Variants in COX16 observed in about 807,000 individuals in gnomAD.
The protein encoded by COX16 is cytochrome c oxidase assembly factor COX16.
In COX16, 12 loss-of-function variants were observed where a neutral mutation model predicts 15.4. The ratio of observed to expected loss-of-function variants is 0.78; its 90% CI spans 0.50 to 1.26. The LOEUF (loss-of-function observed/expected upper bound fraction) is 1.26, where lower values mean the gene tolerates loss of function less well. COX16 is among the 50% of genes most tolerant of loss of function. The pLI is 0.00. For synonymous variants in COX16, 46 were observed against 41.1 expected (o/e 1.12, Z -0.46); for missense variants, 124 against 127.6 (o/e 0.97, Z 0.14).
intron 1 of COX16, among the ~76,000 whole-genome samples, chr14:70,346,936 C>G (rs1444076124): frequency 6.6e-6 from 1 of 152,110 alleles, no homozygotes; most frequent in Admixed American, 6.5e-5. Context: ...CGCATCAACC[C>G]AGACCCCTCG....
intron 1 of COX16, among the ~76,000 whole-genome samples, chr14:70,358,969 C>T (rs971036567): frequency 1.4e-4 from 22 of 152,178 alleles, no homozygotes; most frequent in Non-Finnish European, 2.9e-5. Context: ...AGGCACCGTA[C>T]TCAACACTTT....
intron 2 of COX16, among the ~76,000 whole-genome samples, chr14:70,330,292 T>G (rs1763078051): frequency 6.6e-6 from 1 of 152,086 alleles, no homozygotes; most frequent in South Asian, 2.1e-4. Flanking sequence ...ATGGACAGAT[T>G]AATAGAAAAA....
intron 2 of COX16, among the ~76,000 whole-genome samples, chr14:70,330,171 TCA>T (rs931536247): frequency 6.6e-6 from 1 of 151,748 alleles, no homozygotes; most frequent in Non-Finnish European, 1.5e-5. Context: ...AAAAGAGAAG[TCA>T]CAAATAAAGA....
In COX16 at chr14:70,326,338, T is replaced by A. The variant is rs1162022697; in HGVS notation, c.316A>T (p.Thr106Ser). ...RNPESLKTKT[T>S] ...GGAAAAAAGAATCAGCAGAGTCAAG[T>A]TGTCTTAGTCTTAAGGCTTTCTGGA... Residue 106 changes from threonine to serine, a missense_variant, in exon 4 of 4, where the codon ACT becomes TCT. Thr to Ser is a moderately conservative substitution (Grantham distance 58). Coordinates refer to ENST00000389912, the MANE Select transcript of COX16 (RefSeq NM_016468.7). 2 of 1,496,328 alleles carry A rather than the reference T, an allele frequency of 1.3e-6. No individual in the cohort carries two copies. The highest frequency in any genetic ancestry group is 1.8e-6 in the Non-Finnish European group (2 of 1,124,560). 92.7% of individuals were successfully genotyped at this position (1,496,328 alleles called of 1,614,324 possible).
intron 1 of COX16, among the ~76,000 whole-genome samples, chr14:70,356,377 A>G (rs182311216): frequency 3.9e-5 from 6 of 152,218 alleles, no homozygotes; most frequent in Non-Finnish European, 7.4e-5. Flanking sequence ...CAGGAGGTGG[A>G]GCTCAGGCAA....
intron 1 of COX16, among the ~76,000 whole-genome samples, chr14:70,355,774 G>A (rs1263089936): frequency 6.6e-6 from 1 of 152,168 alleles, no homozygotes; most frequent in Non-Finnish European, 1.5e-5. Flanking sequence ...CAAACCTCCT[G>A]TTGAAATCTG....
At chr14:70,359,289 A>C in intron 1 of COX16, 1 of 628,810 alleles carries the variant, frequency 1.6e-6, no homozygotes, top group Non-Finnish European at 3.0e-6. Context: ...AAGCAGACAG[A>C]TCCTAGTACA....
intron 2 of COX16, among the ~76,000 whole-genome samples, chr14:70,336,149 G>A (rs770559504): frequency 6.0e-4 from 92 of 152,102 alleles, no homozygotes; most frequent in Non-Finnish European, 1.2e-3. Context: ...CCAGCTACTC[G>A]GGAGGCTGAG....
chr14:70,355,973 T>C (rs1026210905), intron 1 of COX16, among the ~76,000 whole-genome samples: 5 of 152,112 alleles, frequency 3.3e-5, no homozygotes, highest in African/African-American at 4.8e-5. Flanking sequence ...TCTCTGCACA[T>C]GCTGGCTCCC....
At chr14:70,339,924 A>G (rs1388784235) in intron 2 of COX16, among the ~76,000 whole-genome samples, 1 of 152,066 alleles carries the variant, frequency 6.6e-6, no homozygotes, top group Non-Finnish European at 1.5e-5. Context: ...CTTGACTTCA[A>G]CTGACCTTGT....
chr14:70,359,642 A>G lies in COX16; in HGVS notation c.-55T>C. The G allele has an allele frequency of 1.3e-6, 2 of 1,504,786 alleles. No individual in the cohort carries two copies. Among genetic ancestry groups the G allele is most frequent in the Non-Finnish European group, 1.8e-6 (2 of 1,081,184 alleles). The allele number at this position is 1,504,786 out of a possible 1,614,324, so 93.2% of individuals were successfully genotyped here. ...CAAGCGGGCCTAGCGCAGACTCCCA[A>G]ATCTCAGCAGCTCACGCTCTCACCA... On this transcript the variant is annotated 5_prime_UTR_variant, in exon 1 of 4. Coordinates refer to ENST00000389912, the MANE Select transcript of COX16 (RefSeq NM_016468.7).
intron 1 of COX16, among the ~76,000 whole-genome samples, chr14:70,352,116 G>A (rs1048692354): frequency 1.3e-5 from 2 of 152,158 alleles, no homozygotes; most frequent in Non-Finnish European, 2.9e-5. Flanking sequence ...TTTAAGAAGT[G>A]AAGATGTCAT....
chr14:70,341,275 C>A (rs1411023175), intron 2 of COX16, among the ~76,000 whole-genome samples: 2 of 152,074 alleles, frequency 1.3e-5, no homozygotes, highest in African/African-American at 4.8e-5. Context: ...ATAGAAAGTA[C>A]ACATTTTTTT....
At chr14:70,337,657 AGGCCTTTTAAGT>A (rs1350605238) in intron 2 of COX16, among the ~76,000 whole-genome samples, 2 of 152,198 alleles carry the variant, frequency 1.3e-5, no homozygotes, top group Non-Finnish European at 2.9e-5. Context: ...TGTTGGAGAC[AGGCCTTTTAAGT>A]AACAATAATT....
intron 2 of COX16, among the ~76,000 whole-genome samples, chr14:70,337,413 G>A (rs1229211237): frequency 6.6e-6 from 1 of 152,062 alleles, no homozygotes; most frequent in Non-Finnish European, 1.5e-5. Context: ...CTGAAGTCAA[G>A]CCAGGACCTG....
intron 2 of COX16, among the ~76,000 whole-genome samples, chr14:70,342,162 A>C (rs1475119328): frequency 6.6e-6 from 1 of 152,224 alleles, no homozygotes; most frequent in Non-Finnish European, 1.5e-5. Context: ...AAAGATTACT[A>C]GACTGGGCAC....
chr14:70,335,071 A>G (rs1249403267), intron 2 of COX16, among the ~76,000 whole-genome samples: 1 of 152,238 alleles, frequency 6.6e-6, no homozygotes, highest in East Asian at 1.9e-4. Context: ...TATCAGATAA[A>G]ATAGACTTAA....
intron 2 of COX16, among the ~76,000 whole-genome samples, chr14:70,332,295 G>T (rs1886314700): frequency 6.6e-6 from 1 of 152,224 alleles, no homozygotes; most frequent in African/African-American, 2.4e-5. Flanking sequence ...ATATCTGGCA[G>T]CCCAGGAGTA....
intron 1 of COX16, among the ~76,000 whole-genome samples, chr14:70,350,280 C>T (rs1203785028): frequency 6.6e-6 from 1 of 152,166 alleles, no homozygotes; most frequent in Non-Finnish European, 1.5e-5. Context: ...AATCCAGTTA[C>T]AACTTAGCAA....
Sources: gnomAD v4.1 joint callset for allele counts (sites outside exome capture counted in the v4.1 genomes callset) on GRCh38, gnomAD v4.1.1 for gene constraint, MANE v1.5 for transcripts, NCBI Gene and HGNC (gene_info 2026-07-23, HGNC 2026-07-21) for gene names.